Variants in NEURL4 observed in about 807,000 individuals in gnomAD.
The protein encoded by NEURL4 is neuralized-like protein 4.
NEURL4 carries 45 observed loss-of-function variants against 148.0 expected under a neutral mutation model. That is an observed-to-expected ratio of 0.30 (90% CI 0.24 to 0.39). The LOEUF (loss-of-function observed/expected upper bound fraction) is 0.39. Ranked by LOEUF, NEURL4 falls within the 10% of genes least tolerant of loss-of-function variation. The pLI is 1.00. For missense variants in NEURL4, 1,776 were observed against 2,144.0 expected, an observed-to-expected ratio of 0.83 and a Z score of 3.39; for synonymous variants, 854 against 869.0, an observed-to-expected ratio of 0.98 and a Z score of 0.30.
intron 6 of NEURL4, 44 bp from the exon 7 acceptor site, chr17:7,325,757 C>A: frequency 6.7e-7 from 1 of 1,482,298 alleles, no homozygotes; most frequent in Non-Finnish European, 9.4e-7. Context: ...CTGAGGCCTG[C>A]TCAGCACCCC....
In NEURL4 at chr17:7,315,884, A is replaced by G. The variant is rs2072935005; in HGVS notation, c.*239T>C. 1.7e-6 allele frequency: 1 copy of G among 592,622 alleles called. No individual in the cohort carries two copies. The highest frequency in any genetic ancestry group is 3.0e-6 in the Non-Finnish European group (1 of 332,356). 36.7% of individuals were successfully genotyped at this position (592,622 alleles called of 1,614,324 possible). ...CCCAAATCAGTGCATGAAGAGGGGTACCAGGGCCTGGAGCTGGGCTCCCAC... is the reference window on the plus strand; with the variant it reads ...CCCAAATCAGTGCATGAAGAGGGGTGCCAGGGCCTGGAGCTGGGCTCCCAC... On this transcript the variant is annotated 3_prime_UTR_variant, in exon 29 of 29. Transcript: ENST00000399464.
intron 1 of NEURL4, among the ~76,000 whole-genome samples, chr17:7,328,303 T>G (rs1207620858): frequency 6.6e-6 from 1 of 152,222 alleles, no homozygotes; most frequent in Non-Finnish European, 1.5e-5. Context: ...CAAGTTCTTT[T>G]TCTGTGAGCC....
rs199586644 is a variant in NEURL4, at chr17:7,320,858, G to A, written c.3426C>T (p.Ile1142=). The part of the protein sequence containing the change: ...LEFLENHGKN[I]LLSNGNRTAT... ...CCGTACGGTTCCCATTAGACAAAAG[G>A]ATATTCTTCCCATGGTTCTCCAGGA... Residue 1142 remains isoleucine, a synonymous_variant, in exon 21 of 29, where the codon ATC becomes ATT. Coordinates refer to ENST00000399464, the MANE Select transcript of NEURL4 (RefSeq NM_032442.3). The A allele has an allele frequency of 2.6e-4, 420 of 1,613,978 alleles. 2 individuals carry two copies. The highest frequency in any genetic ancestry group is 2.5e-3 in the Middle Eastern group (15 of 6,084).
rs764951997 is a variant in NEURL4 at position 7,327,687 on chromosome 17, G to A, written c.480C>T (p.Gly160=). The change falls in exon 2 of 29, where the codon GGC becomes GGT. Residue 160 remains glycine (G), a synonymous_variant. Transcript: ENST00000399464. This position sits in a 1 kb window ranked among gnomAD's most constrained non-coding sequence, Gnocchi z 6.6. The part of the protein sequence containing the change: ...LDQLGEGDRV[G]VERTVAGELR... ...GCTCCCCAGCAACTGTGCGCTCCAC[G>A]CCCACGCGGTCCCCTTCACCAAGCT... The A allele has an allele frequency of 4.5e-5, 72 of 1,613,998 alleles. 1 individual carries two copies. In the South Asian group the frequency reaches 6.7e-4, roughly 15 times the overall value.
rs745656296 is a variant in NEURL4, at chr17:7,320,833, C to T, written c.3451G>A (p.Ala1151Thr). The T allele has an allele frequency of 6.2e-7, 1 of 1,614,102 alleles. No individual in the cohort carries two copies. The highest frequency in any genetic ancestry group is 8.5e-7 in the Non-Finnish European group (1 of 1,179,990). Residue 1151 changes from alanine (A) to threonine (T), a missense_variant, in exon 21 of 29, where the codon GCC becomes ACC. Coordinates refer to ENST00000399464, the MANE Select transcript of NEURL4 (RefSeq NM_032442.3). ...NILLSNGNRT[A>T]TRVASYNQGI... ...TGATTGTAGCTGGCCACCCGTGTGG[C>T]CGTACGGTTCCCATTAGACAAAAGG...
Position 7,318,438 on chromosome 17 carries a change from G to T in NEURL4, c.3864+57C>A. The T allele has an allele frequency of 6.2e-7, 1 of 1,608,982 alleles. No individual in the cohort carries two copies. The highest frequency in any genetic ancestry group is 8.5e-7 in the Non-Finnish European group (1 of 1,176,476). The stretch of plus-strand genomic sequence containing the variant: ...CCTCCCTGGAACAGAGATTTCCCCT[G>T]TCCTGGACAGCGCAGACTCTCAGGC... On this transcript the variant is annotated intron_variant, in intron 23 of 28. Coordinates refer to ENST00000399464, the MANE Select transcript of NEURL4 (RefSeq NM_032442.3). This position sits in a 1 kb window ranked among gnomAD's most constrained non-coding sequence, Gnocchi z 4.3.
At position 7,321,210 on chromosome 17, in the gene NEURL4, T is replaced by C; in HGVS notation, c.3262A>G (p.Arg1088Gly). ...VRGVSIVSST[R>G]LEESEGTQPP... Reference sequence around the variant, plus strand: ...TGGGTGCCTTCTGACTCCTCCAGTCTCGTGGAACTGACAATTGACACACCG... The same window carrying C: ...TGGGTGCCTTCTGACTCCTCCAGTCCCGTGGAACTGACAATTGACACACCG... The change falls in exon 20 of 29, where the codon AGA (arginine) becomes GGA (glycine). Residue 1088 changes from arginine (R) to glycine (G), a missense_variant. Arg to Gly is a moderately radical substitution (Grantham distance 125). Coordinates refer to ENST00000399464, the MANE Select transcript of NEURL4 (RefSeq NM_032442.3). This position sits in a 1 kb window ranked among gnomAD's most constrained non-coding sequence, Gnocchi z 6.3. 6.2e-7 allele frequency: 1 copy of C among 1,613,964 alleles called. No homozygotes were observed. The highest frequency in any genetic ancestry group is 8.5e-7 in the Non-Finnish European group (1 of 1,180,008).
In NEURL4 at chr17:7,327,301, C is replaced by G; in HGVS notation, c.728-71G>C. 1.4e-6 allele frequency: 2 copies of G among 1,480,490 alleles called. No homozygotes were observed. The highest frequency in any genetic ancestry group is 1.3e-5 in the South Asian group (1 of 76,040). 91.7% of individuals were successfully genotyped at this position (1,480,490 alleles called of 1,614,324 possible). ...CTTCACGGCCCATAGCCAGGAGAAC[C>G]CCCCATCCTCTAGCTCCTGCTCTCC... On this transcript the variant is annotated intron_variant, in intron 2 of 28. Coordinates refer to ENST00000399464, the MANE Select transcript of NEURL4 (RefSeq NM_032442.3). The surrounding 1 kb of genome is among the most constrained non-coding windows in gnomAD (Gnocchi z 6.6).
In NEURL4 at chr17:7,315,768, GA is replaced by G. The variant is rs2072933267; in HGVS notation, c.*354del. The G allele has an allele frequency of 4.1e-6, 2 of 493,800 alleles. No homozygotes were observed. The highest frequency in any genetic ancestry group is 3.7e-5 in the Admixed American group (1 of 26,794). The allele number at this position is 493,800 out of a possible 1,614,324, so 30.6% of individuals were successfully genotyped here. ...AAAAGCAGCTTCATGTGGGCACAGG[GA>G]GAGACTCCTCTGGGATTCACAGTAA... On this transcript the variant is annotated 3_prime_UTR_variant, in exon 29 of 29. Coordinates refer to ENST00000399464, the MANE Select transcript of NEURL4 (RefSeq NM_032442.3).
In NEURL4 at chr17:7,318,161, T is replaced by A; in HGVS notation, c.3964A>T (p.Ser1322Cys). The A allele has an allele frequency of 6.2e-7, 1 of 1,613,982 alleles. No homozygotes were observed. The highest frequency in any genetic ancestry group is 8.5e-7 in the Non-Finnish European group (1 of 1,179,932). Reference sequence around the variant, plus strand: ...GCAGGTGGTGGACCCCAGCACACACTCTCTTTGATACCTGAGGGAGCAGAG... The same window carrying A: ...GCAGGTGGTGGACCCCAGCACACACACTCTTTGATACCTGAGGGAGCAGAG... Reference protein sequence around the residue: ...KADMVDGIKESVCWGPPPAAS... With the variant: ...KADMVDGIKECVCWGPPPAAS... Residue 1322 changes from serine (S) to cysteine (C), a missense_variant, in exon 25 of 29, where the codon AGT becomes TGT. By Grantham distance (112) the Ser-to-Cys change is moderately radical. Coordinates refer to ENST00000399464, the MANE Select transcript of NEURL4 (RefSeq NM_032442.3). This position sits in a 1 kb window ranked among gnomAD's most constrained non-coding sequence, Gnocchi z 4.3.
chr17:7,323,121 C>A lies in NEURL4; in HGVS notation c.2420G>T (p.Gly807Val). 1.2e-6 allele frequency: 2 copies of A among 1,609,170 alleles called. No homozygotes were observed. Among genetic ancestry groups the A allele is most frequent in the Non-Finnish European group, 1.7e-6 (2 of 1,176,408 alleles). Reference protein sequence around the residue: ...DIDYDTWMLSGTAIMQDGNTM... With the variant: ...DIDYDTWMLSVTAIMQDGNTM... Reference sequence around the variant, plus strand: ...GTTACCGTCTTGCATGATGGCTGTACCACTGGGGGGATGGCAGAAGGGGTG... The same window carrying A: ...GTTACCGTCTTGCATGATGGCTGTAACACTGGGGGGATGGCAGAAGGGGTG... The change falls in exon 15 of 29, where the codon GGT becomes GTT. Residue 807 changes from glycine to valine, a missense_variant and splice_region_variant. Physicochemically the swap from Gly to Val is moderately radical, Grantham distance 109. Coordinates refer to ENST00000399464, the MANE Select transcript of NEURL4 (RefSeq NM_032442.3).
chr17:7,321,343 G>C lies in NEURL4; in HGVS notation c.3198+18C>G. 1 of 1,613,884 alleles carries C rather than the reference G, an allele frequency of 6.2e-7. No individual in the cohort carries two copies. Among genetic ancestry groups the C allele is most frequent in the Non-Finnish European group, 8.5e-7 (1 of 1,179,898 alleles). On this transcript the variant is annotated intron_variant, in intron 19 of 28. Coordinates refer to ENST00000399464, the MANE Select transcript of NEURL4 (RefSeq NM_032442.3). The surrounding 1 kb of genome is among the most constrained non-coding windows in gnomAD (Gnocchi z 6.3). ...CCTCAACCATCCTCCCAGAACCCAA[G>C]GAAGCGTTCAGGTCTACCTTGGCAA...
chr17:7,325,153 C>CTT lies in NEURL4; in HGVS notation c.1631+55_1631+56insAA, dbSNP rs2073086619. On this transcript the variant is annotated intron_variant, in intron 8 of 28. Coordinates refer to ENST00000399464, the MANE Select transcript of NEURL4 (RefSeq NM_032442.3). ...CTGCCTTCCACTTCCTTGCCCCGCC[C>CTT]CCCCCCCCCCATTAGAATCCCTTCT... 2.9e-5 allele frequency: 14 copies of CTT among 477,338 alleles called. 1 individual carries two copies. 29.6% of individuals were successfully genotyped at this position (477,338 alleles called of 1,614,324 possible).
At position 7,327,693 on chromosome 17, in the gene NEURL4, G is replaced by A. The variant is rs373014592; in HGVS notation, c.474C>T (p.Arg158=). 87 of 1,613,914 alleles carry A rather than the reference G, an allele frequency of 5.4e-5. No individual in the cohort carries two copies. The highest frequency in any genetic ancestry group is 6.4e-5 in the Non-Finnish European group (76 of 1,180,038). Residue 158 remains arginine, a synonymous_variant, in exon 2 of 29, where the codon CGC becomes CGT. Coordinates refer to ENST00000399464, the MANE Select transcript of NEURL4 (RefSeq NM_032442.3). This position sits in a 1 kb window ranked among gnomAD's most constrained non-coding sequence, Gnocchi z 6.6. ...CAGCAACTGTGCGCTCCACGCCCAC[G>A]CGGTCCCCTTCACCAAGCTGGTCCA... ...QDLDQLGEGD[R]VGVERTVAGE... is the part of the protein sequence containing the mutation.
chr17:7,321,634 C>G lies in NEURL4; in HGVS notation c.3025G>C (p.Val1009Leu), dbSNP rs771443702. The G allele has an allele frequency of 5.6e-6, 9 of 1,613,970 alleles. No individual in the cohort carries two copies. The highest frequency in any genetic ancestry group is 7.6e-6 in the Non-Finnish European group (9 of 1,180,048). ...PELRTKTTWM[V>L]SSCEVRRDGQ... is the part of the protein sequence containing the mutation. The stretch of plus-strand genomic sequence containing the variant: ...TCACGCCTCACTTCACAGCTGGATA[C>G]CATCCAAGTGGTCTTCGTCCGGAGC... The change falls in exon 18 of 29, where the codon GTA becomes CTA. Residue 1009 changes from valine to leucine, a missense_variant. Coordinates refer to ENST00000399464, the MANE Select transcript of NEURL4 (RefSeq NM_032442.3). This position sits in a 1 kb window ranked among gnomAD's most constrained non-coding sequence, Gnocchi z 6.3.
rs2073047991 is a variant in NEURL4, at chr17:7,322,617, G to A, written c.2725+118C>T. 7.4e-7 allele frequency: 1 copy of A among 1,358,406 alleles called. No individual in the cohort carries two copies. The highest frequency in any genetic ancestry group is 1.0e-6 in the Non-Finnish European group (1 of 986,818). The allele number at this position is 1,358,406 out of a possible 1,614,324, so 84.1% of individuals were successfully genotyped here. A position where few individuals can be genotyped will look rare whatever the true frequency, so the allele number is the denominator to read the frequency against. On this transcript the variant is annotated intron_variant, in intron 16 of 28. Coordinates refer to ENST00000399464, the MANE Select transcript of NEURL4 (RefSeq NM_032442.3). The surrounding 1 kb of genome is among the most constrained non-coding windows in gnomAD (Gnocchi z 5.5). ...TGCCACCGTGGGCTGTCCCTTCCCT[G>A]GAGCCGGCAGCTACCCCAGCCAACC...
chr17:7,327,619 G>A lies in NEURL4; in HGVS notation c.548C>T (p.Thr183Ile). ...VNGRDCGVAATGLPPRVWAVV... is the reference protein window; with the variant it reads ...VNGRDCGVAAIGLPPRVWAVV... ...GGCCCAGACACGAGGGGGCAGGCCT[G>A]TGGCAGCCACACCGCAATCCCGCCC... Residue 183 changes from threonine to isoleucine, a missense_variant, in exon 2 of 29, where the codon ACA becomes ATA. By Grantham distance (89) the Thr-to-Ile change is moderately conservative. Coordinates refer to ENST00000399464, the MANE Select transcript of NEURL4 (RefSeq NM_032442.3). This position sits in a 1 kb window ranked among gnomAD's most constrained non-coding sequence, Gnocchi z 6.6. 2 of 1,612,894 alleles carry A rather than the reference G, an allele frequency of 1.2e-6. No homozygotes were observed. Among genetic ancestry groups the A allele is most frequent in the South Asian group, 1.1e-5 (1 of 91,082 alleles).
chr17:7,319,202 T>C lies in NEURL4; in HGVS notation c.3532A>G (p.Ile1178Val), dbSNP rs1408783093. 1.2e-6 allele frequency: 2 copies of C among 1,611,518 alleles called. No homozygotes were observed. Among genetic ancestry groups the C allele is most frequent in the South Asian group, 2.2e-5 (2 of 90,944 alleles). ...GTCCACTGTCGGTTTAGGAAATCTATCCGCACCTGGGGAAGAAAGAACTAC... is the reference window on the plus strand; with the variant it reads ...GTCCACTGTCGGTTTAGGAAATCTACCCGCACCTGGGGAAGAAAGAACTAC... ...LVPQLLVQVR[I>V]DFLNRQWTSS... The change falls in exon 22 of 29, where the codon ATA becomes GTA. Residue 1178 changes from isoleucine to valine, a missense_variant. Physicochemically the swap from Ile to Val is conservative, Grantham distance 29. Coordinates refer to ENST00000399464, the MANE Select transcript of NEURL4 (RefSeq NM_032442.3).
chr17:7,327,845 C>T lies in NEURL4; in HGVS notation c.322G>A (p.Ala108Thr). ...WSGSIEIGVT[A>T]LDPSVLDFPS... The stretch of plus-strand genomic sequence containing the variant: ...AAGTCCAGCACACTGGGGTCCAGCG[C>T]TGTCACCCCAATCTCAATGGAGCCG... The change falls in exon 2 of 29, where the codon GCG becomes ACG. Residue 108 changes from alanine (A) to threonine (T), a missense_variant. Physicochemically the swap from Ala to Thr is moderately conservative, Grantham distance 58 (BLOSUM62 0). Transcript: ENST00000399464. The surrounding 1 kb of genome is among the most constrained non-coding windows in gnomAD (Gnocchi z 6.6). 6.2e-7 allele frequency: 1 copy of T among 1,613,340 alleles called. No homozygotes were observed.
Sources: gnomAD v4.1 joint callset for allele counts (sites outside exome capture counted in the v4.1 genomes callset) on GRCh38, gnomAD v4.1.1 for gene constraint, Gnocchi (gnomAD v3.1) non-coding constraint, MANE v1.5 for transcripts, NCBI Gene and HGNC (gene_info 2026-07-23, HGNC 2026-07-21) for gene names.